Variants in CACNA2D3 observed in about 807,000 individuals in gnomAD.
The protein encoded by CACNA2D3 is voltage-dependent calcium channel subunit alpha-2/delta-3.
Under a neutral mutation model 160.6 loss-of-function variants are expected in CACNA2D3, and 60 were observed. The ratio of observed to expected loss-of-function variants is 0.37; its 90% CI spans 0.30 to 0.46. The LOEUF (loss-of-function observed/expected upper bound fraction) is 0.46. CACNA2D3 is among the 20% of genes least tolerant of loss of function. The pLI is 1.00. For missense variants in CACNA2D3, 1,205 were observed against 1,365.0 expected, an observed-to-expected ratio of 0.88 and a Z score of 1.85; for synonymous variants, 558 against 492.9, an observed-to-expected ratio of 1.13 and a Z score of -1.75.
intron 5 of CACNA2D3, among the ~76,000 whole-genome samples, chr3:54,536,884 G>A (rs992753420): frequency 7.2e-5 from 11 of 152,294 alleles, no homozygotes; most frequent in Non-Finnish European, 1.5e-4. Flanking sequence ...TGTCACCTTT[G>A]GAGAAGTCCC....
chr3:54,462,111 T>C (rs1390526584), intron 4 of CACNA2D3, among the ~76,000 whole-genome samples: 1 of 152,272 alleles, frequency 6.6e-6, no homozygotes, highest in East Asian at 1.9e-4. Flanking sequence ...TAATCTTGAG[T>C]TCTAGTTTGA....
chr3:54,843,283 A>G (rs1328865676), intron 16 of CACNA2D3, among the ~76,000 whole-genome samples: 1 of 152,190 alleles, frequency 6.6e-6, no homozygotes, highest in African/African-American at 2.4e-5. Flanking sequence ...TTTAGATGCT[A>G]GAGTAAACAT....
At chr3:54,743,940 C>T (rs1701701110) in intron 11 of CACNA2D3, among the ~76,000 whole-genome samples, 1 of 152,152 alleles carries the variant, frequency 6.6e-6, no homozygotes, top group Non-Finnish European at 1.5e-5. Flanking sequence ...TGGCCCTTTG[C>T]CAAGCACTGT....
At chr3:55,056,411 C>T (rs888540012) in intron 35 of CACNA2D3, among the ~76,000 whole-genome samples, 3 of 152,064 alleles carry the variant, frequency 2.0e-5, no homozygotes, top group East Asian at 1.9e-4. Flanking sequence ...TCCTTAAAAA[C>T]TAAAAATAGA....
intron 16 of CACNA2D3, 72 bp from the exon 17 acceptor site, chr3:54,846,321 G>A (rs1023451798): frequency 7.7e-6 from 7 of 909,072 alleles, no homozygotes; most frequent in Admixed American, 4.6e-5. Flanking sequence ...ACTAAATGCC[G>A]GGCTGCTTTA....
At chr3:54,300,819 A>C (rs1193607286) in intron 2 of CACNA2D3, among the ~76,000 whole-genome samples, 1 of 152,140 alleles carries the variant, frequency 6.6e-6, no homozygotes, top group Non-Finnish European at 1.5e-5. Context: ...GTTCAAGACC[A>C]GCCTGGGCAA....
At chr3:54,329,441 A>G (rs1333224005) in intron 3 of CACNA2D3, among the ~76,000 whole-genome samples, 3 of 152,190 alleles carry the variant, frequency 2.0e-5, no homozygotes, top group African/African-American at 7.2e-5. Context: ...GGGAAAAGAA[A>G]GTATTAGAGC....
chr3:54,290,122 A>G (rs985411644), intron 2 of CACNA2D3, among the ~76,000 whole-genome samples: 5 of 152,066 alleles, frequency 3.3e-5, no homozygotes, highest in Admixed American at 1.3e-4. Flanking sequence ...TGAACAGGCA[A>G]CCTACAAAAT....
intron 34 of CACNA2D3, among the ~76,000 whole-genome samples, chr3:55,016,226 A>G (rs1369126357): frequency 1.3e-5 from 2 of 152,172 alleles, no homozygotes; most frequent in East Asian, 3.9e-4. Flanking sequence ...TTTTCTACCA[A>G]AAAGTGATGG....
At chr3:54,319,461 A>G (rs936013761) in intron 2 of CACNA2D3, among the ~76,000 whole-genome samples, 1 of 152,210 alleles carries the variant, frequency 6.6e-6, no homozygotes, top group Non-Finnish European at 1.5e-5. Flanking sequence ...AAATAAGAGT[A>G]AATATATCTT....
chr3:54,617,490 C>A (rs1002182210), intron 9 of CACNA2D3, among the ~76,000 whole-genome samples: 4 of 152,184 alleles, frequency 2.6e-5, no homozygotes, highest in Non-Finnish European at 5.9e-5. Context: ...GGCCCAGACA[C>A]ACATCCTAAG....
At chr3:54,609,866 G>A (rs1698713524) in intron 9 of CACNA2D3, among the ~76,000 whole-genome samples, 1 of 152,146 alleles carries the variant, frequency 6.6e-6, no homozygotes, top group African/African-American at 2.4e-5. Flanking sequence ...TTCTTGGACG[G>A]CCATAACAAA....
intron 3 of CACNA2D3, among the ~76,000 whole-genome samples, chr3:54,354,532 G>A (rs748058993): frequency 6.6e-6 from 1 of 152,104 alleles, no homozygotes; most frequent in Non-Finnish European, 1.5e-5. Context: ...TCATCCAAGG[G>A]CCCCTCCTGA....
At chr3:54,525,721 G>C (rs1168525707) in intron 5 of CACNA2D3, among the ~76,000 whole-genome samples, 1 of 150,594 alleles carries the variant, frequency 6.6e-6, no homozygotes, top group Non-Finnish European at 1.5e-5. Context: ...TAATATTCTT[G>C]TAATGAGTCA....
At chr3:54,191,157 C>T (rs151138298) in intron 2 of CACNA2D3, among the ~76,000 whole-genome samples, 1 of 151,892 alleles carries the variant, frequency 6.6e-6, no homozygotes, top group Non-Finnish European at 1.5e-5. Context: ...AAAACACATT[C>T]CTGCTCCGGG....
At chr3:54,204,796 G>GAAAAAAAAAAAAAAAAAAAAAAAAAAAA in intron 2 of CACNA2D3, among the ~76,000 whole-genome samples, 1 of 74,058 alleles carries the variant, frequency 1.4e-5, no homozygotes, top group Non-Finnish European at 3.0e-5. Context: ...ATGCTGTCTT[G>GAAAAAAAAAAAAAAAAAAAAAAAAAAAA]AAAAAAAAAA....
intron 27 of CACNA2D3, among the ~76,000 whole-genome samples, chr3:54,940,006 G>A (rs76711078): frequency 0.013 from 2,002 of 152,214 alleles, 18 homozygotes; most frequent in Non-Finnish European, 0.02. Flanking sequence ...TCCCATCTGA[G>A]CAGATGAGCA....
At chr3:54,259,050 A>G (rs1339599783) in intron 2 of CACNA2D3, among the ~76,000 whole-genome samples, 1 of 152,146 alleles carries the variant, frequency 6.6e-6, no homozygotes, top group African/African-American at 2.4e-5. Context: ...CTTCCATTTG[A>G]TGCTGGGGTC....
At chr3:54,776,488 C>T (rs1431162929) in intron 13 of CACNA2D3, among the ~76,000 whole-genome samples, 1 of 152,096 alleles carries the variant, frequency 6.6e-6, no homozygotes, top group Non-Finnish European at 1.5e-5. Context: ...GCACTCTAGC[C>T]TGGGCAACAG....
Sources: allele counts gnomAD v4.1 joint callset (sites outside exome capture counted in the v4.1 genomes callset), GRCh38; gene constraint gnomAD v4.1.1; transcripts MANE v1.5; gene names NCBI Gene and HGNC (gene_info 2026-07-23, HGNC 2026-07-21).